ARFIP1: variants seen among roughly 807,000 people sequenced by gnomAD.
The protein encoded by ARFIP1 is ARF interacting protein 1, also known as arfaptin-1.
ARFIP1 carries 24 observed loss-of-function variants against 42.5 expected under a neutral mutation model. The ratio of observed to expected loss-of-function variants is 0.57; its 90% CI spans 0.41 to 0.80. The LOEUF (loss-of-function observed/expected upper bound fraction) is 0.80, where lower values mean the gene tolerates loss of function less well. Among genes scored for constraint, ARFIP1 ranks in the 30% least tolerant of loss-of-function variants. The pLI is 0.00. For missense variants in ARFIP1, 354 were observed against 434.0 expected (o/e 0.82, Z 1.64); for synonymous variants, 141 against 153.7 (o/e 0.92, Z 0.61).
intron 5 of ARFIP1, among the ~76,000 whole-genome samples, chr4:152,876,705 G>A (rs1433249524): frequency 6.6e-6 from 1 of 152,244 alleles, no homozygotes; most frequent in Non-Finnish European, 1.5e-5. Flanking sequence ...CTTCACGGCA[G>A]CCCCTTCCAT....
chr4:152,880,469 C>T (rs536879432), intron 5 of ARFIP1, among the ~76,000 whole-genome samples: 68 of 152,030 alleles, frequency 4.5e-4, no homozygotes, highest in Non-Finnish European at 7.9e-4. Context: ...TCTCTCTCTT[C>T]CTCTTCCCCC....
chr4:152,804,460 AATATATAAT>A (rs1180471695), intron 1 of ARFIP1, among the ~76,000 whole-genome samples: 7 of 109,640 alleles, frequency 6.4e-5, no homozygotes, highest in South Asian at 2.5e-4. Context: ...TATTATATAT[AATATATAAT>A]ATATATAATA....
intron 1 of ARFIP1, among the ~76,000 whole-genome samples, chr4:152,818,344 G>C (rs1016682709): frequency 6.6e-6 from 1 of 152,188 alleles, no homozygotes; most frequent in African/African-American, 2.4e-5. Context: ...CAGTAATCCA[G>C]GCCATGAGGG....
intron 1 of ARFIP1, among the ~76,000 whole-genome samples, chr4:152,819,726 G>T (rs1212208105): frequency 2.6e-5 from 4 of 152,158 alleles, no homozygotes; most frequent in Non-Finnish European, 1.5e-5. Flanking sequence ...TTCAGCAGAG[G>T]CACAAGTGCA....
intron 3 of ARFIP1, among the ~76,000 whole-genome samples, chr4:152,868,640 T>C (rs1734610320): frequency 6.6e-6 from 1 of 152,188 alleles, no homozygotes; most frequent in South Asian, 2.1e-4. Flanking sequence ...TTATTTCTTA[T>C]GCAAGATTAA....
At chr4:152,834,983 C>T (rs780289561) in intron 2 of ARFIP1, among the ~76,000 whole-genome samples, 1 of 152,204 alleles carries the variant, frequency 6.6e-6, no homozygotes, top group Non-Finnish European at 1.5e-5. Context: ...TTGCACAGGG[C>T]AGCAGCATAC....
intron 8 of ARFIP1, among the ~76,000 whole-genome samples, chr4:152,898,840 T>C (rs914306252): frequency 6.6e-6 from 1 of 152,208 alleles, no homozygotes; most frequent in African/African-American, 2.4e-5. Context: ...TAAACTTCTG[T>C]TGAATCATCT....
chr4:152,829,651 C>T lies in ARFIP1; in HGVS notation c.18C>T (p.Pro6=), dbSNP rs374989924. MAQES[P]KNSAAEIPVT... ...AGTCTACCATGGCTCAAGAATCTCCCAAAAATTCAGCAGCAGAAATTCCAG... is the reference window on the plus strand; with the variant it reads ...AGTCTACCATGGCTCAAGAATCTCCTAAAAATTCAGCAGCAGAAATTCCAG... The change falls in exon 2 of 9, where the codon CCC becomes CCT. Residue 6 remains proline (P), a synonymous_variant. Coordinates refer to ENST00000353617, the MANE Select transcript of ARFIP1 (RefSeq NM_001025595.3). 64 of 1,611,352 alleles carry T rather than the reference C, an allele frequency of 4.0e-5. No individual in the cohort carries two copies. The highest frequency in any genetic ancestry group is 5.3e-5 in the Non-Finnish European group (63 of 1,178,488).
At chr4:152,813,740 ATAT>A (rs1251735007) in intron 1 of ARFIP1, among the ~76,000 whole-genome samples, 3 of 152,164 alleles carry the variant, frequency 2.0e-5, no homozygotes, top group African/African-American at 7.2e-5. Context: ...GTTATTATAG[ATAT>A]TATATCTTGA....
intron 2 of ARFIP1, among the ~76,000 whole-genome samples, chr4:152,852,965 A>G (rs1388497359): frequency 2.6e-5 from 4 of 152,190 alleles, no homozygotes; most frequent in Non-Finnish European, 4.4e-5. Flanking sequence ...TGTTTTACCT[A>G]TAGGACAGTA....
chr4:152,814,268 A>AT (rs2149834846), intron 1 of ARFIP1, among the ~76,000 whole-genome samples: 1 of 151,636 alleles, frequency 6.6e-6, no homozygotes, highest in Non-Finnish European at 1.5e-5. Context: ...TGTTTTTTGT[A>AT]TTTTTTGTAG....
At chr4:152,847,121 G>GTTTTTTT (rs1561139273) in intron 2 of ARFIP1, among the ~76,000 whole-genome samples, 17 of 48,166 alleles carry the variant, frequency 3.5e-4, no homozygotes, top group Middle Eastern at 7.5e-3. Flanking sequence ...TTTTAGGTTT[G>GTTTTTTT]TTCTTTTTTT....
intron 1 of ARFIP1, among the ~76,000 whole-genome samples, chr4:152,788,411 G>A (rs1242273425): frequency 6.6e-6 from 1 of 152,122 alleles, no homozygotes; most frequent in Non-Finnish European, 1.5e-5. Flanking sequence ...TGTGCACAGT[G>A]GCTCATGCCA....
intron 7 of ARFIP1, among the ~76,000 whole-genome samples, 189 bp downstream of exon 7, chr4:152,883,069 A>G (rs1186756745): frequency 6.6e-6 from 1 of 152,144 alleles, no homozygotes; most frequent in Admixed American, 6.6e-5. Flanking sequence ...ACAACCAAGA[A>G]CCAAAGCCAA....
intron 2 of ARFIP1, among the ~76,000 whole-genome samples, chr4:152,830,241 A>G (rs527984090): frequency 3.7e-4 from 56 of 152,244 alleles, no homozygotes; most frequent in African/African-American, 1.2e-3. Flanking sequence ...GGGTTTGAAG[A>G]TAATCTGGGT....
At chr4:152,903,944 C>G (rs1480888703) in intron 8 of ARFIP1, among the ~76,000 whole-genome samples, 1 of 152,142 alleles carries the variant, frequency 6.6e-6, no homozygotes, top group Non-Finnish European at 1.5e-5. Flanking sequence ...ACTTTCTAGA[C>G]TATTAACAGC....
intron 1 of ARFIP1, among the ~76,000 whole-genome samples, chr4:152,824,310 T>C (rs1242441177): frequency 8.5e-5 from 12 of 140,936 alleles, no homozygotes; most frequent in African/African-American, 3.2e-4. Context: ...AAGACTCTTA[T>C]CAAAAAAAAA....
intron 8 of ARFIP1, among the ~76,000 whole-genome samples, chr4:152,902,216 A>T (rs1382529953): frequency 1.3e-5 from 2 of 152,226 alleles, no homozygotes; most frequent in Admixed American, 6.5e-5. Flanking sequence ...TTAAGACTGT[A>T]CAAGGCCAAA....
At position 152,852,815 on chromosome 4, in the gene ARFIP1, A is replaced by C. The variant is rs868120121; in HGVS notation, c.94-10791A>C. On this transcript the variant is annotated intron_variant, in intron 2 of 8. Coordinates refer to ENST00000353617, the MANE Select transcript of ARFIP1 (RefSeq NM_001025595.3). ...CATAGCCCCTATTATTTTGTGTTTC[A>C]TTTAGCTGCCAAACCACATCAGAAT... Among the ~76,000 whole-genome samples the C allele has an allele frequency of 3.3e-5, 5 of 152,192 alleles. No homozygotes were observed. The South Asian group carries it at 6.2e-4, about 19-fold the overall frequency.
Sources: gnomAD v4.1 joint callset for allele counts (sites outside exome capture counted in the v4.1 genomes callset) on GRCh38, gnomAD v4.1.1 for gene constraint, MANE v1.5 for transcripts, NCBI Gene and HGNC (gene_info 2026-07-23, HGNC 2026-07-21) for gene names.